TEAD4: variants seen among roughly 807,000 people sequenced by gnomAD.
The protein encoded by TEAD4 is TEA domain transcription factor 4, also known as transcriptional enhancer factor TEF-3.
TEAD4 carries 36 observed loss-of-function variants against 52.4 expected under a neutral mutation model. That is an observed-to-expected ratio of 0.69 (90% CI 0.53 to 0.91). The LOEUF is 0.91. TEAD4 is among the 40% of genes least tolerant of loss of function. The pLI is 0.00. For missense variants in TEAD4, 508 were observed against 583.9 expected (o/e 0.87, Z 1.34); for synonymous variants, 220 against 231.0 (o/e 0.95, Z 0.43).
chr12:2,990,461 C>CTTTTTTTT (rs71057876), intron 2 of TEAD4, among the ~76,000 whole-genome samples: 673 of 67,034 alleles, frequency 0.01, 194 homozygotes, highest in African/African-American at 0.035. Context: ...GACAGATAAT[C>CTTTTTTTT]TTTTTTTTTT....
chr12:2,990,531 A>C (rs1255662139), intron 2 of TEAD4, among the ~76,000 whole-genome samples: 1 of 115,356 alleles, frequency 8.7e-6, no homozygotes, highest in Admixed American at 1.3e-4. Context: ...CAGTGGCGTG[A>C]TCTCAGCTCA....
chr12:2,990,459 A>ATTTT lies in TEAD4; in HGVS notation c.-29-4278_-29-4277insTTTT, dbSNP rs1364654221. Among the ~76,000 whole-genome samples the ATTTT allele has an allele frequency of 6.7e-4, 41 of 60,760 alleles. 2 individuals are homozygous for ATTTT. Among genetic ancestry groups the ATTTT allele is most frequent in the African/African-American group, 1.8e-3 (23 of 12,944 alleles). The allele number at this position is 60,760 out of a possible 152,430, so 39.9% of individuals were successfully genotyped here. A position where few individuals can be genotyped will look rare whatever the true frequency, so the allele number is the denominator to read the frequency against. On this transcript the variant is annotated intron_variant, in intron 2 of 12. Coordinates refer to ENST00000359864, the MANE Select transcript of TEAD4 (RefSeq NM_003213.4). ...TCTAGAATTTAGGCTAAGACAGATA[A>ATTTT]TCTTTTTTTTTTTTTTTTTTTTTTT...
intron 10 of TEAD4, among the ~76,000 whole-genome samples, chr12:3,022,494 G>A (rs1177617967): frequency 6.6e-6 from 1 of 152,136 alleles, no homozygotes; most frequent in Non-Finnish European, 1.5e-5. Flanking sequence ...TGTTGGATGG[G>A]TCACCCAGCT....
intron 2 of TEAD4, among the ~76,000 whole-genome samples, chr12:2,978,591 GACA>G (rs2098231707): frequency 1.3e-5 from 2 of 152,008 alleles, no homozygotes; most frequent in African/African-American, 4.8e-5. Flanking sequence ...TTTTAGTAGA[GACA>G]GGTTTCACCA....
rs142024596 is a variant in TEAD4, at chr12:3,016,102, A to G, written c.355-1296A>G. Among the ~76,000 whole-genome samples, 978 of 151,816 alleles carry G rather than the reference A, an allele frequency of 6.4e-3. 12 individuals are homozygous for G. The highest frequency in any genetic ancestry group is 0.023 in the African/African-American group (941 of 41,144). On this transcript the variant is annotated intron_variant, in intron 5 of 12. Coordinates refer to ENST00000359864, the MANE Select transcript of TEAD4 (RefSeq NM_003213.4). ...GAGTGTAGTGGTGCAATCTCAGCTCACTGCAGCCCCTGCTTCCCAGGTTTA... is the reference window on the plus strand; with the variant it reads ...GAGTGTAGTGGTGCAATCTCAGCTCGCTGCAGCCCCTGCTTCCCAGGTTTA...
chr12:3,010,024 A>G (rs1469148952), intron 3 of TEAD4, among the ~76,000 whole-genome samples: 1 of 152,144 alleles, frequency 6.6e-6, no homozygotes, highest in Non-Finnish European at 1.5e-5. Context: ...TCCGCAGCAC[A>G]GGGCGGGCTG....
intron 10 of TEAD4, among the ~76,000 whole-genome samples, chr12:3,023,528 C>A (rs7969524): frequency 6.6e-6 from 1 of 151,820 alleles, no homozygotes; most frequent in East Asian, 1.9e-4. Context: ...TGGCTCATGC[C>A]TGTAATCCCA....
intron 3 of TEAD4, among the ~76,000 whole-genome samples, chr12:2,998,872 C>A (rs1350997795): frequency 1.3e-5 from 2 of 152,182 alleles, no homozygotes; most frequent in Non-Finnish European, 2.9e-5. Flanking sequence ...GGGCAGGGCC[C>A]TGGAGGCTGT....
chr12:2,973,676 T>A (rs1465669023), intron 2 of TEAD4, among the ~76,000 whole-genome samples: 1 of 152,104 alleles, frequency 6.6e-6, no homozygotes, highest in Admixed American at 6.6e-5. Flanking sequence ...AGGTGGGAAT[T>A]TTGGTTTGCC....
chr12:2,993,170 T>C (rs527833767), intron 2 of TEAD4, among the ~76,000 whole-genome samples: 2 of 152,338 alleles, frequency 1.3e-5, no homozygotes, highest in South Asian at 4.1e-4. Context: ...AGGTTGGTAG[T>C]GTTACGTATA....
At chr12:2,987,420 GTT>G (rs1565530553) in intron 2 of TEAD4, among the ~76,000 whole-genome samples, 1 of 2,470 alleles carries the variant, frequency 4.0e-4, no homozygotes, top group Non-Finnish European at 1.8e-3. Flanking sequence ...TTTTTTGTTT[GTT>G]TTGTTTTGTT....
chr12:3,033,042 G>A (rs1591599944), intron 10 of TEAD4, among the ~76,000 whole-genome samples: 1 of 152,194 alleles, frequency 6.6e-6, no homozygotes, highest in African/African-American at 2.4e-5. Flanking sequence ...GCAAGGAAAC[G>A]GTGTCGCCTC....
chr12:3,020,359 C>T (rs1217093006), intron 8 of TEAD4, among the ~76,000 whole-genome samples: 3 of 143,298 alleles, frequency 2.1e-5, no homozygotes, highest in Admixed American at 7.3e-5. Context: ...GCCCCAGCTG[C>T]CCTCCAGAAT....
At chr12:3,030,799 T>G (rs2098275002) in intron 10 of TEAD4, among the ~76,000 whole-genome samples, 1 of 152,120 alleles carries the variant, frequency 6.6e-6, no homozygotes, top group Non-Finnish European at 1.5e-5. Flanking sequence ...CTGAGAAGGC[T>G]CTAGCAGGGA....
chr12:2,982,513 T>C (rs1169027228), intron 2 of TEAD4, among the ~76,000 whole-genome samples: 6 of 152,172 alleles, frequency 3.9e-5, no homozygotes, highest in African/African-American at 1.4e-4. Flanking sequence ...TGTGGTGCAC[T>C]TGGGGAAGGA....
chr12:2,984,914 G>C (rs2098236842), intron 2 of TEAD4, among the ~76,000 whole-genome samples: 2 of 152,124 alleles, frequency 1.3e-5, no homozygotes, highest in Non-Finnish European at 2.9e-5. Context: ...GTATGCTACT[G>C]TAGGCTTGAC....
intron 10 of TEAD4, among the ~76,000 whole-genome samples, chr12:3,025,640 A>C (rs1299055017): frequency 1.3e-5 from 2 of 151,962 alleles, no homozygotes; most frequent in African/African-American, 2.4e-5. Flanking sequence ...AGGTTCAAGC[A>C]ATTCTCATGC....
rs530507823 is a variant in TEAD4 at position 3,032,078 on chromosome 12, G to A, written c.898-5890G>A. ...CCCCTTGGGCTTCTTGGGCGTTCTC[G>A]ACCTCAGATATCCCTTCCAGAAAAT... On this transcript the variant is annotated intron_variant, in intron 10 of 12. Transcript: ENST00000359864. 2.5e-4 allele frequency among the ~76,000 whole-genome samples: 38 copies of A among 152,338 alleles called. No individual in the cohort carries two copies. The South Asian group carries it at 7.3e-3, about 29-fold the overall frequency.
At chr12:2,996,987 C>G (rs2098247764) in intron 3 of TEAD4, among the ~76,000 whole-genome samples, 2 of 152,160 alleles carry the variant, frequency 1.3e-5, no homozygotes, top group Non-Finnish European at 2.9e-5. Context: ...TTAACAGATC[C>G]CAAATAACAG....
Sources: gnomAD v4.1 joint callset for allele counts (sites outside exome capture counted in the v4.1 genomes callset) on GRCh38, gnomAD v4.1.1 for gene constraint, MANE v1.5 for transcripts, NCBI Gene and HGNC (gene_info 2026-07-23, HGNC 2026-07-21) for gene names.